The following ANKS1B variants were observed in gnomAD, a reference collection of about 807,000 sequenced individuals.
The protein encoded by ANKS1B is ankyrin repeat and sterile alpha motif domain containing 1B.
ANKS1B carries 36 observed loss-of-function variants against 148.3 expected under a neutral mutation model. The observed-to-expected ratio is 0.24, with a 90% confidence interval of 0.19 to 0.32. The LOEUF (loss-of-function observed/expected upper bound fraction) is 0.32, where lower values mean the gene tolerates loss of function less well. Ranked by LOEUF, ANKS1B falls within the 10% of genes least tolerant of loss-of-function variation. The probability of loss-of-function intolerance (pLI) is 1.00; values close to 1 mark genes in which losing one functional copy is unlikely to be tolerated. For synonymous variants in ANKS1B, 542 were observed against 560.8 expected, an observed-to-expected ratio of 0.97 and a Z score of 0.47; for missense variants, 1,157 against 1,542.6, an observed-to-expected ratio of 0.75 and a Z score of 4.19.
At chr12:99,174,667 T>C (rs142731581) in intron 14 of ANKS1B, among the ~76,000 whole-genome samples, 24 of 152,146 alleles carry the variant, frequency 1.6e-4, no homozygotes, top group Middle Eastern at 3.4e-3. Context: ...CATAATAGAG[T>C]AGAAAAATGG....
intron 8 of ANKS1B, among the ~76,000 whole-genome samples, chr12:99,684,965 A>G (rs74390060): frequency 0.021 from 3,256 of 152,292 alleles, 126 homozygotes; most frequent in African/African-American, 0.075. Flanking sequence ...ACCTGAAACC[A>G]TCAAAATTCT....
chr12:99,109,232 A>C (rs1414339012), intron 15 of ANKS1B, among the ~76,000 whole-genome samples: 2 of 152,174 alleles, frequency 1.3e-5, no homozygotes, highest in African/African-American at 4.8e-5. Context: ...TGTTTTTATT[A>C]AATGACAAAG....
At chr12:99,177,743 T>C (rs2078581946) in intron 14 of ANKS1B, among the ~76,000 whole-genome samples, 1 of 152,248 alleles carries the variant, frequency 6.6e-6, no homozygotes. Flanking sequence ...TGATGTTTCA[T>C]CAGCATTATA....
At chr12:99,779,130 T>G (rs1383611010) in intron 6 of ANKS1B, among the ~76,000 whole-genome samples, 1 of 152,202 alleles carries the variant, frequency 6.6e-6, no homozygotes, top group Non-Finnish European at 1.5e-5. Flanking sequence ...TTATAAAACT[T>G]TTAGTTCAAG....
At chr12:98,743,811 G>GTATC (rs1225970829), downstream of ANKS1B, among the ~76,000 whole-genome samples, 3 of 152,198 alleles carry the variant, frequency 2.0e-5, no homozygotes, top group South Asian at 2.1e-4. Flanking sequence ...AGAGGCCTGT[G>GTATC]TATCTTTCTC....
chr12:98,910,779 A>G (rs1252887331), intron 17 of ANKS1B, among the ~76,000 whole-genome samples: 1 of 152,210 alleles, frequency 6.6e-6, no homozygotes, highest in Non-Finnish European at 1.5e-5. Flanking sequence ...TAAAAGGAGC[A>G]TTCTATAGTC....
intron 9 of ANKS1B, among the ~76,000 whole-genome samples, chr12:99,555,345 G>C (rs2097264806): frequency 6.6e-6 from 1 of 152,132 alleles, no homozygotes; most frequent in Non-Finnish European, 1.5e-5. Flanking sequence ...TTTGGGTGGA[G>C]ACTATATGGT....
intron 9 of ANKS1B, among the ~76,000 whole-genome samples, chr12:99,579,833 G>T (rs768145905): frequency 1.1e-4 from 16 of 152,072 alleles, no homozygotes; most frequent in Non-Finnish European, 1.9e-4. Context: ...ATTCAATCCA[G>T]CAATCCTATT....
intron 16 of ANKS1B, among the ~76,000 whole-genome samples, chr12:99,057,636 T>C (rs2040694753): frequency 2.0e-5 from 3 of 152,224 alleles, no homozygotes; most frequent in African/African-American, 4.8e-5. Context: ...ATTATGCCCC[T>C]GTGCCCTTTG....
intron 15 of ANKS1B, among the ~76,000 whole-genome samples, chr12:99,118,245 G>C (rs180822544): frequency 1.3e-5 from 2 of 152,142 alleles, no homozygotes; most frequent in African/African-American, 4.8e-5. Context: ...TGGTTGTTGG[G>C]AAAATATAAA....
chr12:99,686,799 G>A (rs1450312824), intron 8 of ANKS1B, among the ~76,000 whole-genome samples: 4 of 152,000 alleles, frequency 2.6e-5, no homozygotes, highest in Non-Finnish European at 4.4e-5. Flanking sequence ...TATATTTTAA[G>A]TGTACATGTT....
Position 99,459,359 on chromosome 12 carries a change from T to C in ANKS1B, c.1439-15550A>G, listed in dbSNP as rs577025809. Among the ~76,000 whole-genome samples, 17 of 152,202 alleles carry C rather than the reference T, an allele frequency of 1.1e-4. No homozygotes were observed. The East Asian group carries it at 1.7e-3, about 16-fold the overall frequency. ...CCTGAGAACTGGAACAAGACAAGGA[T>C]GCCCACTTTCACCACTTCTATTAAA... On this transcript the variant is annotated intron_variant, in intron 10 of 26. Transcript: ENST00000683438.
At chr12:99,527,928 A>G (rs563765520) in intron 9 of ANKS1B, among the ~76,000 whole-genome samples, 1 of 152,148 alleles carries the variant, frequency 6.6e-6, no homozygotes, top group Non-Finnish European at 1.5e-5. Context: ...TTCTAAGCAT[A>G]AAGAACAAAG....
chr12:99,077,701 G>A (rs1276031964), intron 16 of ANKS1B, among the ~76,000 whole-genome samples: 1 of 152,186 alleles, frequency 6.6e-6, no homozygotes, highest in Non-Finnish European at 1.5e-5. Flanking sequence ...GTCTTTAAGA[G>A]AATGACTCTG....
At chr12:99,221,838 A>G (rs928443712) in intron 14 of ANKS1B, among the ~76,000 whole-genome samples, 7 of 152,312 alleles carry the variant, frequency 4.6e-5, no homozygotes, top group East Asian at 3.9e-4. Context: ...CATCACACAT[A>G]TGCCTTCATA....
Position 99,595,454 on chromosome 12 carries a change from AAAGT to A in ANKS1B, c.1272+59609_1272+59612del, listed in dbSNP as rs1410588221. 4.6e-5 allele frequency among the ~76,000 whole-genome samples: 7 copies of A among 152,070 alleles called. No homozygotes were observed. In the East Asian group the frequency reaches 9.6e-4, roughly 21 times the overall value. On this transcript the variant is annotated intron_variant, in intron 9 of 26. Transcript: ENST00000683438. ...ATATTCTTTTTCTAGTAAAAAATGAAAAGTAATAAGATGAATATTTTATTTTAAA... is the reference window on the plus strand; with the variant it reads ...ATATTCTTTTTCTAGTAAAAAATGAAAATAAGATGAATATTTTATTTTAAA...
intron 1 of ANKS1B, among the ~76,000 whole-genome samples, chr12:99,857,012 T>C (rs112096675): frequency 2.6e-5 from 4 of 152,256 alleles, no homozygotes; most frequent in African/African-American, 9.6e-5. Context: ...CTATTCAACA[T>C]AGTATTGGAA....
chr12:99,471,105 A>ATT (rs1270776689), intron 10 of ANKS1B, among the ~76,000 whole-genome samples: 2 of 152,116 alleles, frequency 1.3e-5, no homozygotes, highest in African/African-American at 2.4e-5. Flanking sequence ...AGGAAGCAAA[A>ATT]TGACAACCAA....
At chr12:99,590,391 A>G (rs1329509626) in intron 9 of ANKS1B, among the ~76,000 whole-genome samples, 1 of 152,138 alleles carries the variant, frequency 6.6e-6, no homozygotes, top group Non-Finnish European at 1.5e-5. Context: ...AGTAATTACA[A>G]CAGATTATAG....
Sources: allele counts gnomAD v4.1 joint callset (sites outside exome capture counted in the v4.1 genomes callset), GRCh38; gene constraint gnomAD v4.1.1; transcripts MANE v1.5; gene names NCBI Gene and HGNC (gene_info 2026-07-23, HGNC 2026-07-21).